The following TMX1 variants were observed in gnomAD, a reference collection of about 807,000 sequenced individuals.
TMX1 encodes the protein thioredoxin-related transmembrane protein 1.
In TMX1, 25 loss-of-function variants were observed where a neutral mutation model predicts 36.6. The ratio of observed to expected loss-of-function variants is 0.68; its 90% confidence interval spans 0.50 to 0.95. TMX1 has a LOEUF of 0.95. Among genes scored for constraint, TMX1 ranks in the 40% least tolerant of loss-of-function variants. The pLI, the probability that TMX1 is intolerant of heterozygous loss-of-function variation, is 0.00. For missense variants in TMX1, 347 were observed against 339.6 expected (o/e 1.02, Z -0.17); for synonymous variants, 133 against 118.0 (o/e 1.13, Z -0.82).
chr14:51,256,973 G>A lies in TMX1; in HGVS notation c.*2454G>A, dbSNP rs1245216931. The A allele has an allele frequency of 6.9e-6, 1 of 145,622 alleles. No individual in the cohort carries two copies. Among genetic ancestry groups the A allele is most frequent in the African/African-American group, 2.5e-5 (1 of 39,330 alleles). 9.0% of individuals were successfully genotyped at this position (145,622 alleles called of 1,614,324 possible). ...ATTTTGGTCTTTTTTTTTTTTTTGA[G>A]ACAGAGTTTCACTCTTGTTGCCCAG... is the stretch of plus-strand genomic sequence containing the variant. On this transcript the variant is annotated 3_prime_UTR_variant, in exon 8 of 8. Coordinates refer to ENST00000457354, the MANE Select transcript of TMX1 (RefSeq NM_030755.5).
Position 51,243,862 on chromosome 14 carries a change from C to T in TMX1, c.159C>T (p.Ala53=), listed in dbSNP as rs1161705471. 6.2e-7 allele frequency: 1 copy of T among 1,603,766 alleles called. No homozygotes were observed. Among genetic ancestry groups the T allele is most frequent in the South Asian group, 1.1e-5 (1 of 88,346 alleles). The change falls in exon 2 of 8, where the codon GCC becomes GCT. Residue 53 remains alanine (A), a synonymous_variant. Coordinates refer to ENST00000457354, the MANE Select transcript of TMX1 (RefSeq NM_030755.5). ...LEGDWMIEFY[A]PWCPACQNLQ... is the part of the protein sequence containing the mutation. ...AAAAATCTGTATTTCTTAGTTATGC[C>T]CCGTGGTGCCCTGCTTGTCAAAATC...
At chr14:51,249,788 A>G (rs1566711953) in intron 7 of TMX1, 23 bp downstream of exon 7, 1 of 1,553,618 alleles carries the variant, frequency 6.4e-7, no homozygotes, top group South Asian at 1.2e-5. Flanking sequence ...TAAAATGTTT[A>G]TTTTTTATTC....
intron 3 of TMX1, chr14:51,245,631 T>G (rs897740938): frequency 1.6e-6 from 1 of 607,360 alleles, no homozygotes; most frequent in African/African-American, 1.9e-5. Flanking sequence ...TGTTAAGTCA[T>G]TATGCATCCA....
intron 1 of TMX1, among the ~76,000 whole-genome samples, chr14:51,242,863 A>C (rs2065768206): frequency 6.6e-6 from 1 of 152,218 alleles, no homozygotes. Flanking sequence ...CCTAATTACA[A>C]GTGAATTATC....
chr14:51,246,526 C>G (rs1228352053), intron 3 of TMX1, among the ~76,000 whole-genome samples: 3 of 152,100 alleles, frequency 2.0e-5, no homozygotes, highest in Non-Finnish European at 4.4e-5. Context: ...TCTGACAGAA[C>G]TTTCTACATT....
In TMX1 at chr14:51,245,553, T is replaced by C. The variant is rs188498000; in HGVS notation, c.314+195T>C. The C allele has an allele frequency of 2.7e-4, 373 of 1,356,618 alleles. 1 individual carries two copies. The African/African-American group carries it at 4.8e-3, about 18-fold the overall frequency. The allele number at this position is 1,356,618 out of a possible 1,614,324, so 84.0% of individuals were successfully genotyped here. On this transcript the variant is annotated intron_variant, in intron 3 of 7. Coordinates refer to ENST00000457354, the MANE Select transcript of TMX1 (RefSeq NM_030755.5). ...GTTGAGTGATGTGTGAAACAGTCTC[T>C]GTTCTCAAAGATTTACAGTTGTTTT...
chr14:51,247,010 G>A, intron 3 of TMX1, 82 bp from the exon 4 acceptor site: 1 of 1,274,934 alleles, frequency 7.8e-7, no homozygotes, highest in Non-Finnish European at 1.1e-6. Flanking sequence ...AGAATTGACT[G>A]TAAAGTGAAG....
intron 1 of TMX1, among the ~76,000 whole-genome samples, chr14:51,243,255 T>C (rs2065770133): frequency 6.6e-6 from 1 of 152,222 alleles, no homozygotes; most frequent in African/African-American, 2.4e-5. Context: ...ATGACCTAAC[T>C]GGCCAAGAGT....
chr14:51,253,888 G>GTTGACCAGAAGTTTAATAGCAAATTAA (rs2065826370), intron 7 of TMX1: 1 of 152,570 alleles, frequency 6.6e-6, no homozygotes, highest in Non-Finnish European at 1.5e-5. Context: ...TAGTATACTT[G>GTTGACCAGAAGTTTAATAGCAAATTAA]TTGACCAGAA....
rs780799218 is a variant in TMX1, at chr14:51,249,475, A to G, written c.497A>G (p.His166Arg). Reference sequence around the variant, plus strand: ...TTTTTCTTTTGATTTTAGACTTGCCATAACTACTTTATTGAAGACCTTGGA... The same window carrying G: ...TTTTTCTTTTGATTTTAGACTTGCCGTAACTACTTTATTGAAGACCTTGGA... ...FQLSMWIRTCHNYFIEDLGLP... is the reference protein window; with the variant it reads ...FQLSMWIRTCRNYFIEDLGLP... The change falls in exon 6 of 8, where the codon CAT (histidine) becomes CGT (arginine). Residue 166 changes from histidine to arginine, a missense_variant. His to Arg is a conservative substitution (Grantham distance 29). Transcript: ENST00000457354. The G allele has an allele frequency of 1.5e-5, 24 of 1,606,008 alleles. No homozygotes were observed. The highest frequency in any genetic ancestry group is 2.2e-5 in the East Asian group (1 of 44,812).
rs1435854821 is a variant in TMX1, at chr14:51,255,172, C to G, written c.*653C>G. On this transcript the variant is annotated 3_prime_UTR_variant, in exon 8 of 8. Coordinates refer to ENST00000457354, the MANE Select transcript of TMX1 (RefSeq NM_030755.5). ...TGATTCCAACAAAGTTTGATTTTCTCTTGTATTTTTCTTACTTACTATGGG... is the reference window on the plus strand; with the variant it reads ...TGATTCCAACAAAGTTTGATTTTCTGTTGTATTTTTCTTACTTACTATGGG... 1.3e-5 allele frequency: 2 copies of G among 151,924 alleles called. No individual in the cohort carries two copies. Among genetic ancestry groups the G allele is most frequent in the African/African-American group, 2.4e-5 (1 of 41,412 alleles). 9.4% of individuals were successfully genotyped at this position (151,924 alleles called of 1,614,324 possible).
chr14:51,254,398 C>A lies in TMX1; in HGVS notation c.722C>A (p.Ala241Glu), dbSNP rs747510130. Reference sequence around the variant, plus strand: ...AAAAAAGTGGAGGAGGAACAAGAGGCGGATGAAGAAGATGTTTCAGAAGAA... The same window carrying A: ...AAAAAAGTGGAGGAGGAACAAGAGGAGGATGAAGAAGATGTTTCAGAAGAA... ...PLKKVEEEQE[A>E]DEEDVSEEEA... The change falls in exon 8 of 8, where the codon GCG (alanine) becomes GAG (glutamate). Residue 241 changes from alanine to glutamate, a missense_variant. Transcript: ENST00000457354. 3 of 1,610,998 alleles carry A rather than the reference C, an allele frequency of 1.9e-6. No individual in the cohort carries two copies. The highest frequency in any genetic ancestry group is 2.2e-5 in the East Asian group (1 of 44,730).
rs745590693 is a variant in TMX1 at position 51,247,189 on chromosome 14, G to A, written c.412G>A (p.Val138Ile). 30 of 1,613,206 alleles carry A rather than the reference G, an allele frequency of 1.9e-5. No individual in the cohort carries two copies. The highest frequency in any genetic ancestry group is 1.7e-4 in the Middle Eastern group (1 of 6,028). ...TAAAGAGTGGAAGAGTATTGAGCCC[G>A]TTTCATCATGGTTTGGTCCAGGTTC... The part of the protein sequence containing the change: ...SDKEWKSIEP[V>I]SSWFGPGSVL... The change falls in exon 4 of 8, where the codon GTT becomes ATT. Residue 138 changes from valine to isoleucine, a missense_variant. Physicochemically the swap from Val to Ile is conservative, Grantham distance 29. Coordinates refer to ENST00000457354, the MANE Select transcript of TMX1 (RefSeq NM_030755.5).
chr14:51,250,447 C>T (rs1244299784), intron 7 of TMX1, among the ~76,000 whole-genome samples: 3 of 151,764 alleles, frequency 2.0e-5, no homozygotes, highest in African/African-American at 7.3e-5. Flanking sequence ...CTAAATCAGA[C>T]TTGTGGCCTG....
rs762593041 is a variant in TMX1, at chr14:51,245,348, A to G, written c.304A>G (p.Thr102Ala). The change falls in exon 3 of 8, where the codon ACT becomes GCT. Residue 102 changes from threonine (T) to alanine (A), a missense_variant. By Grantham distance (58) the Thr-to-Ala change is moderately conservative. Transcript: ENST00000457354. ...SGRFIITALP[T>A]IYHCKDGEFR... Reference sequence around the variant, plus strand: ...ACGGTTTATCATAACTGCTCTTCCTACTATTTATCAGTAAGTATTTGAAGA... The same window carrying G: ...ACGGTTTATCATAACTGCTCTTCCTGCTATTTATCAGTAAGTATTTGAAGA... 5 of 1,613,822 alleles carry G rather than the reference A, an allele frequency of 3.1e-6. No individual in the cohort carries two copies. Among genetic ancestry groups the G allele is most frequent in the Non-Finnish European group, 2.5e-6 (3 of 1,179,910 alleles).
At chr14:51,242,743 C>A (rs113612692) in intron 1 of TMX1, among the ~76,000 whole-genome samples, 23,138 of 151,972 alleles carry the variant, frequency 0.15, 2,264 homozygotes, top group Non-Finnish European at 0.21. Flanking sequence ...CGCCACTGCC[C>A]TCCAGCCTGG....
At chr14:51,246,943 A>T in intron 3 of TMX1, 149 bp from the exon 4 acceptor site, 1 of 556,170 alleles carries the variant, frequency 1.8e-6, no homozygotes, top group Non-Finnish European at 2.8e-6. Context: ...TGTCATGAGT[A>T]GGTAAATAGT....
At chr14:51,247,277 A>ATAT (rs57474210) in intron 4 of TMX1, 57 bp downstream of exon 4, 303,045 of 1,544,320 alleles carry the variant, frequency 0.2, 31,306 homozygotes, top group Non-Finnish European at 0.21. Flanking sequence ...ACAGATAATT[A>ATAT]TATTTTATGT....
At position 51,245,537 on chromosome 14, in the gene TMX1, T is replaced by G. The variant is rs1420883903; in HGVS notation, c.314+179T>G. The G allele has an allele frequency of 2.8e-5, 40 of 1,431,834 alleles. No individual in the cohort carries two copies. The South Asian group carries it at 4.4e-4, about 16-fold the overall frequency. The allele number at this position is 1,431,834 out of a possible 1,614,324, so 88.7% of individuals were successfully genotyped here. On this transcript the variant is annotated intron_variant, in intron 3 of 7. Coordinates refer to ENST00000457354, the MANE Select transcript of TMX1 (RefSeq NM_030755.5). ...TAGGTGCCTTTAGGTAGTTGAGTGATGTGTGAAACAGTCTCTGTTCTCAAA... is the reference window on the plus strand; with the variant it reads ...TAGGTGCCTTTAGGTAGTTGAGTGAGGTGTGAAACAGTCTCTGTTCTCAAA...
Sources: allele counts gnomAD v4.1 joint callset (sites outside exome capture counted in the v4.1 genomes callset), GRCh38; gene constraint gnomAD v4.1.1; transcripts MANE v1.5; gene names NCBI Gene and HGNC (gene_info 2026-07-23, HGNC 2026-07-21).